The following GAS7 variants were observed in gnomAD, a reference collection of about 807,000 sequenced individuals.
The protein encoded by GAS7 is growth arrest-specific protein 7.
Under a neutral mutation model 71.1 loss-of-function variants are expected in GAS7, and 28 were observed. The observed-to-expected ratio is 0.39, with a 90% CI of 0.29 to 0.54. The LOEUF is 0.54. Ranked by LOEUF, GAS7 falls within the 20% of genes least tolerant of loss-of-function variation. The probability of loss-of-function intolerance (pLI) is 0.62; values close to 1 mark genes in which losing one functional copy is unlikely to be tolerated. For synonymous variants in GAS7, 258 were observed against 245.8 expected (o/e 1.05, Z -0.46); for missense variants, 436 against 627.8 (o/e 0.69, Z 3.27).
intron 2 of GAS7, among the ~76,000 whole-genome samples, chr17:10,018,837 G>A (rs1194997083): frequency 6.6e-6 from 1 of 152,214 alleles, no homozygotes; most frequent in Non-Finnish European, 1.5e-5. Context: ...GGCCAAGGCT[G>A]AGCCAGCAGT....
chr17:10,084,665 C>A (rs932195661), intron 1 of GAS7, among the ~76,000 whole-genome samples: 1 of 152,180 alleles, frequency 6.6e-6, no homozygotes, highest in Non-Finnish European at 1.5e-5. Flanking sequence ...TGGGGTTTCA[C>A]CATGTTGGCC....
chr17:10,151,913 G>A (rs866443606), intron 1 of GAS7, among the ~76,000 whole-genome samples: 4 of 152,206 alleles, frequency 2.6e-5, no homozygotes, highest in African/African-American at 9.6e-5. Flanking sequence ...GTTAATGGAA[G>A]AAGAGAGAGA....
At chr17:10,192,734 T>C (rs1200027462) in intron 1 of GAS7, among the ~76,000 whole-genome samples, 1 of 152,182 alleles carries the variant, frequency 6.6e-6, no homozygotes. Flanking sequence ...AGCACACAAG[T>C]GTGACAAAAG....
intron 5 of GAS7, among the ~76,000 whole-genome samples, chr17:9,953,357 C>G (rs1327038812): frequency 6.6e-6 from 1 of 152,112 alleles, no homozygotes; most frequent in African/African-American, 2.4e-5. Flanking sequence ...TCAGATGGAG[C>G]CCCGAGGTGC....
At chr17:10,129,846 A>C (rs2073982166) in intron 1 of GAS7, among the ~76,000 whole-genome samples, 1 of 152,220 alleles carries the variant, frequency 6.6e-6, no homozygotes, top group South Asian at 2.1e-4. Flanking sequence ...CAATTACAAA[A>C]TGGGCAAAAG....
At chr17:10,031,530 A>C (rs1285971607) in intron 1 of GAS7, among the ~76,000 whole-genome samples, 2 of 152,210 alleles carry the variant, frequency 1.3e-5, no homozygotes, top group East Asian at 1.9e-4. Context: ...GCCTTGCAGC[A>C]TCTGAGAATC....
rs2073724832 is a variant in GAS7 at position 10,103,321 on chromosome 17, G to T, written c.184-83424C>A. Among the ~76,000 whole-genome samples, 1 of 152,086 alleles carries T rather than the reference G, an allele frequency of 6.6e-6. No homozygotes were observed. The highest frequency in any genetic ancestry group is 1.5e-5 in the Non-Finnish European group (1 of 68,014). ...TGACTGTAACACTGTACTCCATCCA[G>T]TCTGGGTGATAGGTTAAGACCCTGT... On this transcript the variant is annotated intron_variant, in intron 1 of 13. Coordinates refer to ENST00000432992, the MANE Select transcript of GAS7 (RefSeq NM_201433.2). The surrounding 1 kb of genome is among the most constrained non-coding windows in gnomAD (Gnocchi z 5.5).
rs139175778 is a variant in GAS7 at position 10,198,544 on chromosome 17, C to CG, written c.-155dup. ...GGGTGCGCGGGGGTCCTCAGGCAGGCGGGGGACGCGCGCTCCGCGCCGGGA... is the reference window on the plus strand; with the variant it reads ...GGGTGCGCGGGGGTCCTCAGGCAGGCGGGGGGACGCGCGCTCCGCGCCGGGA... On this transcript the variant is annotated 5_prime_UTR_variant, in exon 1 of 14. Transcript: ENST00000432992. 0.035 allele frequency: 14,776 copies of CG among 420,164 alleles called. 775 individuals carry two copies. The highest frequency in any genetic ancestry group is 0.17 in the African/African-American group (7,997 of 48,064). The allele number at this position is 420,164 out of a possible 1,614,324, so 26.0% of individuals were successfully genotyped here. A position where few individuals can be genotyped will look rare whatever the true frequency, so the allele number is the denominator to read the frequency against.
rs1411154360 is a variant in GAS7 at position 9,915,651 on chromosome 17, G to A, written c.*1577C>T. On this transcript the variant is annotated 3_prime_UTR_variant, in exon 14 of 14. Coordinates refer to ENST00000432992, the MANE Select transcript of GAS7 (RefSeq NM_201433.2). Reference sequence around the variant, plus strand: ...AAAAATTAGAGATTAATAAGTCATCGGTTTCTAGCACGTTGACTGAAAGAC... The same window carrying A: ...AAAAATTAGAGATTAATAAGTCATCAGTTTCTAGCACGTTGACTGAAAGAC... 5 of 228,898 alleles carry A rather than the reference G, an allele frequency of 2.2e-5. No individual in the cohort carries two copies. Among genetic ancestry groups the A allele is most frequent in the Admixed American group, 5.7e-5 (1 of 17,650 alleles). 14.2% of individuals were successfully genotyped at this position (228,898 alleles called of 1,614,324 possible).
At position 10,103,522 on chromosome 17, in the gene GAS7, C is replaced by T. The variant is rs1048320113; in HGVS notation, c.184-83625G>A. Among the ~76,000 whole-genome samples the T allele has an allele frequency of 1.5e-4, 22 of 151,564 alleles. No individual in the cohort carries two copies. The highest frequency in any genetic ancestry group is 3.1e-4 in the Non-Finnish European group (21 of 67,726). ...GGGAAATGTTTTCTCTCACACTTCA[C>T]TTAGAAAGATAGGAACAACCCGGCC... On this transcript the variant is annotated intron_variant, in intron 1 of 13. Coordinates refer to ENST00000432992, the MANE Select transcript of GAS7 (RefSeq NM_201433.2). The surrounding 1 kb of genome is among the most constrained non-coding windows in gnomAD (Gnocchi z 5.5).
At chr17:10,185,706 G>GC (rs1352759306) in intron 1 of GAS7, among the ~76,000 whole-genome samples, 1 of 152,158 alleles carries the variant, frequency 6.6e-6, no homozygotes, top group Non-Finnish European at 1.5e-5. Flanking sequence ...TGCGCTCTCA[G>GC]CCTGTAGGAT....
Position 9,940,108 on chromosome 17 carries a change from T to C in GAS7, c.806+18A>G. 1 of 1,426,530 alleles carries C rather than the reference T, an allele frequency of 7.0e-7. No homozygotes were observed. Among genetic ancestry groups the C allele is most frequent in the Non-Finnish European group, 9.9e-7 (1 of 1,008,922 alleles). 88.4% of individuals were successfully genotyped at this position (1,426,530 alleles called of 1,614,324 possible). On this transcript the variant is annotated intron_variant, in intron 8 of 13. Transcript: ENST00000432992. ...ACCCCCCATCCTCCCCACTCCCACC[T>C]CTCTCCTACCCACTCACCCTTCCTC...
intron 2 of GAS7, among the ~76,000 whole-genome samples, chr17:10,010,223 C>T (rs1300289211): frequency 1.3e-5 from 2 of 151,898 alleles, no homozygotes; most frequent in Admixed American, 6.6e-5. Context: ...GATCTTGGCT[C>T]ACTGCAAGCT....
intron 1 of GAS7, among the ~76,000 whole-genome samples, chr17:10,044,753 A>T (rs2072923433): frequency 6.6e-6 from 1 of 152,178 alleles, no homozygotes; most frequent in Non-Finnish European, 1.5e-5. Flanking sequence ...TCTGAGGGTC[A>T]ACTGTAGTTA....
intron 1 of GAS7, among the ~76,000 whole-genome samples, chr17:10,063,954 A>C (rs990145156): frequency 6.6e-6 from 1 of 152,082 alleles, no homozygotes; most frequent in African/African-American, 2.4e-5. Context: ...TCCAAAGGCC[A>C]TTGCCAAAGA....
intron 1 of GAS7, among the ~76,000 whole-genome samples, chr17:10,079,406 C>T (rs1452206270): frequency 6.6e-6 from 1 of 152,180 alleles, no homozygotes; most frequent in Non-Finnish European, 1.5e-5. Flanking sequence ...AGACATGCTT[C>T]ATTACAACCC....
intron 1 of GAS7, among the ~76,000 whole-genome samples, chr17:10,188,199 C>T (rs780715922): frequency 2.6e-5 from 4 of 151,894 alleles, no homozygotes; most frequent in Admixed American, 1.3e-4. Flanking sequence ...GCCGAGATCG[C>T]GCCACTGCAC....
chr17:10,041,792 GA>G (rs2072874976), intron 1 of GAS7, among the ~76,000 whole-genome samples: 1 of 152,128 alleles, frequency 6.6e-6, no homozygotes, highest in Non-Finnish European at 1.5e-5. Context: ...CCACACACAC[GA>G]ACGGCAGACA....
At chr17:10,091,885 TG>T (rs1308898611) in intron 1 of GAS7, among the ~76,000 whole-genome samples, 1 of 152,014 alleles carries the variant, frequency 6.6e-6, no homozygotes, top group Non-Finnish European at 1.5e-5. Flanking sequence ...GGTTTTGCCA[TG>T]TTTGCCCAGG....
Sources: gnomAD v4.1 joint callset for allele counts (sites outside exome capture counted in the v4.1 genomes callset) on GRCh38, gnomAD v4.1.1 for gene constraint, Gnocchi (gnomAD v3.1) non-coding constraint, MANE v1.5 for transcripts, NCBI Gene and HGNC (gene_info 2026-07-23, HGNC 2026-07-21) for gene names.